Variants in TTLL5 observed in about 807,000 individuals in gnomAD.
TTLL5 encodes tubulin tyrosine ligase like 5, also known as tubulin polyglutamylase TTLL5.
TTLL5 carries 132 observed loss-of-function variants against 168.4 expected under a neutral mutation model. The observed-to-expected ratio is 0.78, with a 90% CI of 0.68 to 0.91. TTLL5 has a LOEUF of 0.91. Among genes scored for constraint, TTLL5 ranks in the 40% least tolerant of loss-of-function variants. The pLI, the probability that TTLL5 is intolerant of heterozygous loss-of-function variation, is 0.00. For synonymous variants in TTLL5, 546 were observed against 558.6 expected, an observed-to-expected ratio of 0.98 and a Z score of 0.32; for missense variants, 1,545 against 1,581.5, an observed-to-expected ratio of 0.98 and a Z score of 0.39.
At chr14:75,763,099 T>C (rs1890752227) in intron 18 of TTLL5, among the ~76,000 whole-genome samples, 1 of 152,168 alleles carries the variant, frequency 6.6e-6, no homozygotes, top group South Asian at 2.1e-4. Context: ...TCCATATAGT[T>C]ATCAAATTTG....
chr14:75,914,017 G>GAAAAAA (rs1201862659), intron 31 of TTLL5, among the ~76,000 whole-genome samples: 27 of 31,014 alleles, frequency 8.7e-4, no homozygotes, highest in East Asian at 3.0e-3. Context: ...TGTTTAAAAG[G>GAAAAAA]AAAAAAAAAA....
chr14:75,931,447 C>G (rs1219389089), intron 31 of TTLL5, among the ~76,000 whole-genome samples: 2 of 152,162 alleles, frequency 1.3e-5, no homozygotes, highest in Admixed American at 6.5e-5. Flanking sequence ...AACAACTTAA[C>G]AAGTCCAATT....
intron 13 of TTLL5, 96 bp downstream of exon 13, chr14:75,732,515 G>GT (rs1380808531): frequency 1.1e-5 from 12 of 1,055,420 alleles, no homozygotes; most frequent in East Asian, 2.5e-5. Flanking sequence ...CTAGAAGACT[G>GT]TTTTTTTCCT....
chr14:75,902,662 C>T, intron 31 of TTLL5: 1 of 456,744 alleles, frequency 2.2e-6, no homozygotes. Flanking sequence ...AGAGCTGGAG[C>T]TCTGGTCTTT....
At chr14:75,679,324 A>T (rs527310170) in intron 3 of TTLL5, among the ~76,000 whole-genome samples, 1 of 152,166 alleles carries the variant, frequency 6.6e-6, no homozygotes. Flanking sequence ...GACTTCAAAG[A>T]TAGAGGAAGG....
intron 29 of TTLL5, among the ~76,000 whole-genome samples, chr14:75,867,107 C>T (rs1182202042): frequency 6.6e-6 from 1 of 152,164 alleles, no homozygotes; most frequent in African/African-American, 2.4e-5. Context: ...CTTTGCAGGC[C>T]ATAGCATCTC....
chr14:75,790,484 T>A (rs910978803), intron 26 of TTLL5, among the ~76,000 whole-genome samples: 2 of 151,280 alleles, frequency 1.3e-5, no homozygotes, highest in Admixed American at 6.6e-5. Context: ...TTTTTTTTTT[T>A]AATTTGAGAC....
In TTLL5 at chr14:75,720,673, A is replaced by G; in HGVS notation, c.1012A>G (p.Thr338Ala). 1.2e-6 allele frequency: 2 copies of G among 1,613,588 alleles called. No individual in the cohort carries two copies. The highest frequency in any genetic ancestry group is 4.5e-5 in the East Asian group (2 of 44,868). The change falls in exon 12 of 32, where the codon ACC (threonine) becomes GCC (alanine). Residue 338 changes from threonine to alanine, a missense_variant. By Grantham distance (58) the Thr-to-Ala change is moderately conservative. Coordinates refer to ENST00000298832, the MANE Select transcript of TTLL5 (RefSeq NM_015072.5). Reference protein sequence around the residue: ...AELAIATACKTFVPHRSSCFE... With the variant: ...AELAIATACKAFVPHRSSCFE... ...ACTAGCTATTGCTACTGCCTGTAAAACCTTTGTTCCTCATCGCAGCAGTTG... is the reference window on the plus strand; with the variant it reads ...ACTAGCTATTGCTACTGCCTGTAAAGCCTTTGTTCCTCATCGCAGCAGTTG...
chr14:75,775,358 C>G, intron 21 of TTLL5, 126 bp from the exon 22 acceptor site: 3 of 1,088,850 alleles, frequency 2.8e-6, no homozygotes, highest in Non-Finnish European at 2.6e-6. Flanking sequence ...TGTTCTGGGT[C>G]TTGTTTGTTG....
At chr14:75,926,314 C>T (rs2034068824) in intron 31 of TTLL5, among the ~76,000 whole-genome samples, 1 of 151,638 alleles carries the variant, frequency 6.6e-6, no homozygotes, top group African/African-American at 2.4e-5. Context: ...TTTGCCAGTT[C>T]GTGTCTTTTA....
At chr14:75,907,518 A>G (rs4903354) in intron 31 of TTLL5, among the ~76,000 whole-genome samples, 129,686 of 152,246 alleles carry the variant, frequency 0.85, 55,350 homozygotes, top group African/African-American at 0.89. Context: ...TATTTGAGAA[A>G]CGTTATTCAT....
chr14:75,725,843 G>A (rs1046131781), intron 12 of TTLL5, among the ~76,000 whole-genome samples: 3 of 152,182 alleles, frequency 2.0e-5, no homozygotes, highest in African/African-American at 7.2e-5. Context: ...TAACCAGATA[G>A]CATATTGATT....
chr14:75,938,600 C>G (rs897019885), intron 31 of TTLL5, among the ~76,000 whole-genome samples: 2 of 152,276 alleles, frequency 1.3e-5, no homozygotes, highest in Non-Finnish European at 1.5e-5. Context: ...TTATTTGGCC[C>G]TTGTAGCAAT....
chr14:75,792,781 G>T, intron 26 of TTLL5, 135 bp from the exon 27 acceptor site: 2 of 704,296 alleles, frequency 2.8e-6, no homozygotes, highest in Non-Finnish European at 4.2e-6. Flanking sequence ...TTTGAAGATA[G>T]TTTATTTCTC....
At chr14:75,764,845 C>T in intron 19 of TTLL5, 73 bp downstream of exon 19, 5 of 1,560,078 alleles carry the variant, frequency 3.2e-6, no homozygotes, top group Admixed American at 1.7e-5. Flanking sequence ...GCTGCTTACT[C>T]AGTATTTCAT....
At chr14:75,908,281 CAG>C (rs1342873025) in intron 31 of TTLL5, among the ~76,000 whole-genome samples, 2 of 152,250 alleles carry the variant, frequency 1.3e-5, no homozygotes, top group African/African-American at 4.8e-5. Context: ...GCTGCAGAGT[CAG>C]GCCCACCAGC....
chr14:75,775,238 T>G lies in TTLL5; in HGVS notation c.2137-246T>G, dbSNP rs181868309. Among the ~76,000 whole-genome samples the G allele has an allele frequency of 2.5e-3, 374 of 152,328 alleles. 1 individual carries two copies. Among genetic ancestry groups the G allele is most frequent in the Middle Eastern group, 6.8e-3 (2 of 294 alleles). On this transcript the variant is annotated intron_variant, in intron 21 of 31. Transcript: ENST00000298832. ...ACTGCTACTTTATTACATAGTTATT[T>G]ACATACATACTTGATTTAAATTTTC...
chr14:75,699,002 C>G (rs1181646338), intron 6 of TTLL5, among the ~76,000 whole-genome samples, 186 bp from the exon 7 acceptor site: 1 of 152,018 alleles, frequency 6.6e-6, no homozygotes, highest in Non-Finnish European at 1.5e-5. Flanking sequence ...CCTTCCCTCG[C>G]TCTATTTTTA....
chr14:75,928,342 C>CATATATATATATAT (rs3034073), intron 31 of TTLL5, among the ~76,000 whole-genome samples: 4,869 of 81,690 alleles, frequency 0.06, 436 homozygotes, highest in Non-Finnish European at 0.083. Flanking sequence ...ATGACAAAAA[C>CATATATATATATAT]ATATATATAT....
Sources: allele counts gnomAD v4.1 joint callset (sites outside exome capture counted in the v4.1 genomes callset), GRCh38; gene constraint gnomAD v4.1.1; transcripts MANE v1.5; gene names NCBI Gene and HGNC (gene_info 2026-07-23, HGNC 2026-07-21).